Variants in PRKAR2B observed in about 807,000 individuals in gnomAD.
The protein encoded by PRKAR2B is protein kinase cAMP-dependent type II regulatory subunit beta, also known as cAMP-dependent protein kinase type II-beta regulatory subunit.
A neutral mutation model predicts 49.9 loss-of-function variants in PRKAR2B; 14 were observed. That is an observed-to-expected ratio of 0.28 (90% CI 0.19 to 0.44). PRKAR2B has a LOEUF of 0.44. PRKAR2B is among the 20% of genes least tolerant of loss of function. The probability of loss-of-function intolerance (pLI) is 1.00; values close to 1 mark genes in which losing one functional copy is unlikely to be tolerated. For synonymous variants in PRKAR2B, 196 were observed against 197.7 expected (o/e 0.99, Z 0.07); for missense variants, 393 against 537.9 (o/e 0.73, Z 2.67).
At chr7:107,074,147 G>C (rs1794342645) in intron 2 of PRKAR2B, among the ~76,000 whole-genome samples, 1 of 152,088 alleles carries the variant, frequency 6.6e-6, no homozygotes, top group Non-Finnish European at 1.5e-5. Context: ...ATGGAGCCTT[G>C]CTCTGTTGCC....
chr7:107,045,255 C>G (rs1466554630), intron 1 of PRKAR2B, 41 bp downstream of exon 1: 1 of 1,387,424 alleles, frequency 7.2e-7, no homozygotes, highest in East Asian at 2.8e-5. Context: ...CGGATCCCCT[C>G]GCTGCCCCCC....
chr7:107,104,485 T>C (rs1464290514), intron 2 of PRKAR2B, among the ~76,000 whole-genome samples: 1 of 152,160 alleles, frequency 6.6e-6, no homozygotes, highest in African/African-American at 2.4e-5. Flanking sequence ...TTGGGCCTCG[T>C]TGGGGGGGTA....
intron 3 of PRKAR2B, among the ~76,000 whole-genome samples, chr7:107,125,148 G>A (rs1169880249): frequency 6.6e-6 from 1 of 152,094 alleles, no homozygotes; most frequent in Non-Finnish European, 1.5e-5. Flanking sequence ...TACAAAAACA[G>A]CTTTGCCTGC....
intron 4 of PRKAR2B, among the ~76,000 whole-genome samples, chr7:107,134,910 A>G (rs373278857): frequency 6.6e-5 from 10 of 152,312 alleles, no homozygotes; most frequent in African/African-American, 1.9e-4. Context: ...GTAAGTCTTT[A>G]TGGTCTTAGA....
At chr7:107,142,052 C>CA (rs1795799399) in intron 5 of PRKAR2B, among the ~76,000 whole-genome samples, 1 of 152,120 alleles carries the variant, frequency 6.6e-6, no homozygotes, top group Non-Finnish European at 1.5e-5. Flanking sequence ...GTTCATGAGA[C>CA]AATTGGCATC....
intron 5 of PRKAR2B, among the ~76,000 whole-genome samples, chr7:107,141,843 A>G (rs1309502991): frequency 6.6e-6 from 1 of 152,212 alleles, no homozygotes; most frequent in African/African-American, 2.4e-5. Flanking sequence ...GTATATTATT[A>G]TATTTGTCTT....
intron 1 of PRKAR2B, among the ~76,000 whole-genome samples, chr7:107,051,814 A>G (rs1793810578): frequency 6.6e-6 from 1 of 152,258 alleles, no homozygotes; most frequent in African/African-American, 2.4e-5. Flanking sequence ...ACAAAAGGTC[A>G]AAATGTAAAC....
chr7:107,068,520 A>G (rs916985080), intron 1 of PRKAR2B: 1 of 152,154 alleles, frequency 6.6e-6, no homozygotes, highest in African/African-American at 2.4e-5. Context: ...AGTAAAATAT[A>G]TATAACACAA....
intron 2 of PRKAR2B, among the ~76,000 whole-genome samples, chr7:107,117,360 A>G (rs1795295484): frequency 6.6e-6 from 1 of 152,168 alleles, no homozygotes; most frequent in Non-Finnish European, 1.5e-5. Flanking sequence ...TATTATTTAA[A>G]TAAGTATGCT....
At chr7:107,107,296 C>T (rs949679938) in intron 2 of PRKAR2B, among the ~76,000 whole-genome samples, 2 of 151,854 alleles carry the variant, frequency 1.3e-5, no homozygotes, top group Non-Finnish European at 2.9e-5. Flanking sequence ...GACATGGCGC[C>T]ATTGCGCTCC....
At chr7:107,092,822 A>G (rs1794755687) in intron 2 of PRKAR2B, among the ~76,000 whole-genome samples, 1 of 152,206 alleles carries the variant, frequency 6.6e-6, no homozygotes, top group African/African-American at 2.4e-5. Context: ...ATCCATCCAC[A>G]GAACTGTTTA....
Position 107,128,214 on chromosome 7 carries a change from T to G in PRKAR2B, c.399T>G (p.Ile133Met). ...TTTTAAATCTGATGTCCTTTTAGAT[T>G]ATACATCCAAAAACTGATGATCAAA... ...DEEEDDAESR[I>M]IHPKTDDQRN... The change falls in exon 4 of 11, where the codon ATT (isoleucine) becomes ATG (methionine). Residue 133 changes from isoleucine (I) to methionine (M), a missense_variant and splice_region_variant. By Grantham distance (10) the Ile-to-Met change is conservative. Coordinates refer to ENST00000265717, the MANE Select transcript of PRKAR2B (RefSeq NM_002736.3). 6.2e-7 allele frequency: 1 copy of G among 1,602,734 alleles called. No individual in the cohort carries two copies. Among genetic ancestry groups the G allele is most frequent in the East Asian group, 2.2e-5 (1 of 44,792 alleles).
chr7:107,091,889 C>T (rs747737295), intron 2 of PRKAR2B: 2 of 151,978 alleles, frequency 1.3e-5, no homozygotes, highest in Admixed American at 6.6e-5. Context: ...AAATAAGGTG[C>T]GTTCTGTGTT....
At chr7:107,142,865 C>T (rs866450641) in intron 5 of PRKAR2B, among the ~76,000 whole-genome samples, 4 of 152,084 alleles carry the variant, frequency 2.6e-5, no homozygotes, top group South Asian at 2.1e-4. Context: ...CAGTTTCAAG[C>T]GATTCTCCTG....
rs1562875944 is a variant in PRKAR2B, at chr7:107,161,347, T to G, written c.*1765T>G. ...CTTACTCACTTTTTCAAGTTATCTA[T>G]TTTGTTGCATAAACTAATTGTTAAC... On this transcript the variant is annotated 3_prime_UTR_variant, in exon 11 of 11. Coordinates refer to ENST00000265717, the MANE Select transcript of PRKAR2B (RefSeq NM_002736.3). The G allele has an allele frequency of 6.6e-6, 1 of 152,660 alleles. No individual in the cohort carries two copies. Among genetic ancestry groups the G allele is most frequent in the Non-Finnish European group, 1.5e-5 (1 of 68,044 alleles). 9.5% of individuals were successfully genotyped at this position (152,660 alleles called of 1,614,324 possible).
At chr7:107,118,468 AG>A (rs1384187719) in intron 2 of PRKAR2B, among the ~76,000 whole-genome samples, 4 of 148,386 alleles carry the variant, frequency 2.7e-5, no homozygotes, top group Admixed American at 2.0e-4. Flanking sequence ...AAAAAAAAAA[AG>A]CATTGAGCTA....
intron 2 of PRKAR2B, among the ~76,000 whole-genome samples, chr7:107,095,836 C>T (rs960257955): frequency 6.6e-6 from 1 of 152,220 alleles, no homozygotes; most frequent in African/African-American, 2.4e-5. Context: ...ACCAGCCTTG[C>T]ATCCCAGGGA....
chr7:107,152,752 G>A (rs986586000), intron 7 of PRKAR2B, among the ~76,000 whole-genome samples: 1 of 152,330 alleles, frequency 6.6e-6, no homozygotes, highest in Admixed American at 6.5e-5. Context: ...CACACAGTGC[G>A]TGGTAGACAG....
intron 2 of PRKAR2B, chr7:107,078,320 A>G (rs1425324371): frequency 1.3e-5 from 2 of 152,360 alleles, no homozygotes; most frequent in Non-Finnish European, 2.9e-5. Context: ...AAGGGTCAGA[A>G]AGAGAATTTG....
Sources: gnomAD v4.1 joint callset for allele counts (sites outside exome capture counted in the v4.1 genomes callset) on GRCh38, gnomAD v4.1.1 for gene constraint, MANE v1.5 for transcripts, NCBI Gene and HGNC (gene_info 2026-07-23, HGNC 2026-07-21) for gene names.